Variants in SLC26A9 observed in about 807,000 individuals in gnomAD.
SLC26A9 encodes the protein solute carrier family 26 member 9, also known as anion transporter/exchanger protein 9.
A neutral mutation model predicts 87.1 loss-of-function variants in SLC26A9; 46 were observed. The observed-to-expected ratio is 0.53, with a 90% CI of 0.42 to 0.67. The LOEUF (loss-of-function observed/expected upper bound fraction) is 0.67, where lower values mean the gene tolerates loss of function less well. Ranked by LOEUF, SLC26A9 falls within the 30% of genes least tolerant of loss-of-function variation. The pLI is 0.00. For missense variants in SLC26A9, 927 were observed against 1,018.3 expected (o/e 0.91, Z 1.22); for synonymous variants, 437 against 409.1 (o/e 1.07, Z -0.82).
rs1369432175 is a variant in SLC26A9 at position 205,913,880 on chromosome 1, T to TGAA, written c.*1474_*1476dup. 2 of 152,294 alleles carry TGAA rather than the reference T, an allele frequency of 1.3e-5. No individual in the cohort carries two copies. The highest frequency in any genetic ancestry group is 3.9e-4 in the East Asian group (2 of 5,190). 9.4% of individuals were successfully genotyped at this position (152,294 alleles called of 1,614,324 possible). A position where few individuals can be genotyped will look rare whatever the true frequency, so the allele number is the denominator to read the frequency against. On this transcript the variant is annotated 3_prime_UTR_variant, in exon 21 of 21. Coordinates refer to ENST00000367135, the MANE Select transcript of SLC26A9 (RefSeq NM_052934.4). ...CACAGACACACAACGCAGGTCTGGCTGAAGTTAGAAATGGGGATGTTTTCC... is the reference window on the plus strand; with the variant it reads ...CACAGACACACAACGCAGGTCTGGCTGAAGAAGTTAGAAATGGGGATGTTTTCC...
intron 1 of SLC26A9, among the ~76,000 whole-genome samples, chr1:205,938,573 G>A (rs1012564491): frequency 1.3e-5 from 2 of 152,018 alleles, no homozygotes; most frequent in Non-Finnish European, 2.9e-5. Flanking sequence ...ACACCATCTG[G>A]GCTGGTCTGT....
At chr1:205,933,219 T>C in intron 2 of SLC26A9, 135 bp from the exon 3 acceptor site, 1 of 1,342,840 alleles carries the variant, frequency 7.4e-7, no homozygotes, top group Non-Finnish European at 1.0e-6. Context: ...CCAGGGATAT[T>C]GAGAAGAAAA....
At position 205,931,779 on chromosome 1, in the gene SLC26A9, T is replaced by C. The variant is rs1571750359; in HGVS notation, c.552+81A>G. ...TCCACACCCAGCCCCCTAAATCAGATTTAGCATCAAAGCTAAGGCTTTGAG... is the reference window on the plus strand; with the variant it reads ...TCCACACCCAGCCCCCTAAATCAGACTTAGCATCAAAGCTAAGGCTTTGAG... On this transcript the variant is annotated intron_variant, in intron 5 of 20. Transcript: ENST00000367135. 4 of 1,508,958 alleles carry C rather than the reference T, an allele frequency of 2.7e-6. No individual in the cohort carries two copies. The East Asian group carries it at 9.2e-5, about 35-fold the overall frequency. The allele number at this position is 1,508,958 out of a possible 1,614,324, so 93.5% of individuals were successfully genotyped here. A position where few individuals can be genotyped will look rare whatever the true frequency, so the allele number is the denominator to read the frequency against.
At chr1:205,921,936 G>A in intron 16 of SLC26A9, 89 bp from the exon 17 acceptor site, 1 of 1,463,566 alleles carries the variant, frequency 6.8e-7, no homozygotes, top group Non-Finnish European at 9.1e-7. Context: ...GGAGGGTGTA[G>A]GTGTAGGGGA....
At chr1:205,917,211 G>T in intron 20 of SLC26A9, 72 bp downstream of exon 20, 1 of 1,512,782 alleles carries the variant, frequency 6.6e-7, no homozygotes, top group Non-Finnish European at 9.2e-7. Flanking sequence ...TGAACGCCTT[G>T]TATTTGACAG....
At chr1:205,932,072 T>A (rs1659331153) in intron 4 of SLC26A9, 37 bp from the exon 5 acceptor site, 1 of 1,610,316 alleles carries the variant, frequency 6.2e-7, no homozygotes, top group Non-Finnish European at 8.5e-7. Context: ...AATCAGAGGT[T>A]TGAACCACAC....
Position 205,915,133 on chromosome 1 carries a change from A to G in SLC26A9, c.*224T>C. ...CTGACGGGTGAAGAGTGGGCTCACC[A>G]GACTCTCACTCCTGTAAGGGTAGCA... is the stretch of plus-strand genomic sequence containing the variant. On this transcript the variant is annotated 3_prime_UTR_variant, in exon 21 of 21. Transcript: ENST00000367135. 6.2e-7 allele frequency: 1 copy of G among 1,613,724 alleles called. No homozygotes were observed. Among genetic ancestry groups the G allele is most frequent in the South Asian group, 1.1e-5 (1 of 91,046 alleles).
At chr1:205,919,124 T>A in intron 18 of SLC26A9, 139 bp from the exon 19 acceptor site, 3 of 1,059,698 alleles carry the variant, frequency 2.8e-6, no homozygotes, top group Non-Finnish European at 4.1e-6. Flanking sequence ...GGCCATGGCA[T>A]TGGCAGTGCA....
chr1:205,930,122 C>T lies in SLC26A9; in HGVS notation c.553-66G>A, dbSNP rs936887675. 3.3e-6 allele frequency: 5 copies of T among 1,506,800 alleles called. No individual in the cohort carries two copies. In the Admixed American group the frequency reaches 5.9e-5, roughly 18 times the overall value. 93.3% of individuals were successfully genotyped at this position (1,506,800 alleles called of 1,614,324 possible). ...GTGGTTCAGCAGTTCCAACGACCCG[C>T]CCCACACACACGCAGGTCTGGAGCT... On this transcript the variant is annotated intron_variant, in intron 5 of 20. Transcript: ENST00000367135.
Position 205,937,773 on chromosome 1 carries a change from G to A in SLC26A9, c.-18-1935C>T, listed in dbSNP as rs75422336. Among the ~76,000 whole-genome samples the A allele has an allele frequency of 4.3e-3, 653 of 152,120 alleles. 3 individuals carry two copies. The highest frequency in any genetic ancestry group is 0.014 in the African/African-American group (574 of 41,460). ...GCTGTCCAGGTGGTTTGCCTGCGGG[G>A]GCTCAATGAGTGGGGAGCATGACCT... On this transcript the variant is annotated intron_variant, in intron 1 of 20. Coordinates refer to ENST00000367135, the MANE Select transcript of SLC26A9 (RefSeq NM_052934.4).
chr1:205,928,280 C>A (rs12143020), intron 8 of SLC26A9: 2 of 576,046 alleles, frequency 3.5e-6, no homozygotes, highest in Admixed American at 3.0e-5. Context: ...CCCAAGGTCC[C>A]CGGGCCAGTA....
chr1:205,932,399 A>G (rs570049473), intron 4 of SLC26A9, among the ~76,000 whole-genome samples: 1 of 152,358 alleles, frequency 6.6e-6, no homozygotes, highest in Non-Finnish European at 1.5e-5. Flanking sequence ...AGGGAGTTAG[A>G]TGGTGATTTC....
At chr1:205,924,722 A>T in intron 12 of SLC26A9, 1 of 490,894 alleles carries the variant, frequency 2.0e-6, no homozygotes, top group Non-Finnish European at 3.7e-6. Context: ...TTTTTAGTAG[A>T]AGCCCCAGCA....
chr1:205,941,291 C>A (rs1009626263), intron 1 of SLC26A9, among the ~76,000 whole-genome samples: 1 of 152,142 alleles, frequency 6.6e-6, no homozygotes, highest in African/African-American at 2.4e-5. Context: ...GCCTCAGCCT[C>A]CCTAGGAGCT....
At chr1:205,928,238 G>A (rs570336881) in intron 8 of SLC26A9, 189 bp from the exon 9 acceptor site, 64 of 701,194 alleles carry the variant, frequency 9.1e-5, no homozygotes, top group Non-Finnish European at 1.4e-4. Flanking sequence ...GTTTTACAAA[G>A]GAGGAAACTG....
At chr1:205,919,133 C>T in intron 18 of SLC26A9, 148 bp from the exon 19 acceptor site, 1 of 988,424 alleles carries the variant, frequency 1.0e-6, no homozygotes, top group South Asian at 1.6e-5. Flanking sequence ...ATTGGCAGTG[C>T]AATATCAGTT....
Position 205,929,890 on chromosome 1 carries a change from A to G in SLC26A9, c.717+2T>C. Reference sequence around the variant, plus strand: ...ATGGCAGGGGTGCATCCCCAGACTCACAAAGACGATGGACCCTGGGCCTGT... The same window carrying G: ...ATGGCAGGGGTGCATCCCCAGACTCGCAAAGACGATGGACCCTGGGCCTGT... On this transcript the variant is annotated splice_donor_variant, in intron 6 of 20. Coordinates refer to ENST00000367135, the MANE Select transcript of SLC26A9 (RefSeq NM_052934.4). LOFTEE classifies it high-confidence loss of function. 2 of 1,587,550 alleles carry G rather than the reference A, an allele frequency of 1.3e-6. No individual in the cohort carries two copies. Among genetic ancestry groups the G allele is most frequent in the Non-Finnish European group, 1.7e-6 (2 of 1,159,118 alleles).
chr1:205,941,755 G>T (rs7415921), intron 1 of SLC26A9, among the ~76,000 whole-genome samples: 78,936 of 152,054 alleles, frequency 0.52, 22,207 homozygotes, highest in East Asian at 0.94. Flanking sequence ...AGGGACCAAG[G>T]CTAGACTTTG....
In SLC26A9 at chr1:205,921,766, C is replaced by T. The variant is rs1469110978; in HGVS notation, c.1855G>A (p.Gly619Ser). ...AAGGTGATATAGGACACGCTGGTGC[C>T]GTTAGCCGGGGTCTGGTTGTTGTTG... ...DPNNNQTPANGTSVSYITFSP... is the reference protein window; with the variant it reads ...DPNNNQTPANSTSVSYITFSP... Residue 619 changes from glycine (G) to serine (S), a missense_variant, in exon 17 of 21, where the codon GGC becomes AGC. Gly to Ser is a moderately conservative substitution (Grantham distance 56, BLOSUM62 0). Coordinates refer to ENST00000367135, the MANE Select transcript of SLC26A9 (RefSeq NM_052934.4). 4 of 1,600,874 alleles carry T rather than the reference C, an allele frequency of 2.5e-6. No homozygotes were observed. Among genetic ancestry groups the T allele is most frequent in the African/African-American group, 2.7e-5 (2 of 74,662 alleles).
Sources: allele counts gnomAD v4.1 joint callset (sites outside exome capture counted in the v4.1 genomes callset), GRCh38; gene constraint gnomAD v4.1.1; transcripts MANE v1.5; gene names NCBI Gene and HGNC (gene_info 2026-07-23, HGNC 2026-07-21).